FHOD3: variants seen among roughly 807,000 people sequenced by gnomAD.
The protein encoded by FHOD3 is formin homology 2 domain containing 3, also known as FH1/FH2 domain-containing protein 3.
A neutral mutation model predicts 173.0 loss-of-function variants in FHOD3; 90 were observed. That is an observed-to-expected ratio of 0.52 (90% CI 0.44 to 0.62). The LOEUF (loss-of-function observed/expected upper bound fraction) is 0.62. Among genes scored for constraint, FHOD3 ranks in the 20% least tolerant of loss-of-function variants. The probability of loss-of-function intolerance (pLI) is 0.00; values close to 1 mark genes in which losing one functional copy is unlikely to be tolerated. For missense variants in FHOD3, 1,945 were observed against 2,034.7 expected, an observed-to-expected ratio of 0.96 and a Z score of 0.85; for synonymous variants, 828 against 823.0, an observed-to-expected ratio of 1.01 and a Z score of -0.10.
At chr18:36,740,966 T>C (rs2041874189) in intron 21 of FHOD3, 128 bp downstream of exon 21, 1 of 895,268 alleles carries the variant, frequency 1.1e-6, no homozygotes, top group Non-Finnish European at 1.6e-6. Flanking sequence ...GAATTGACAA[T>C]GAGGAGGTCG....
chr18:36,369,593 G>A (rs779364480), intron 2 of FHOD3, among the ~76,000 whole-genome samples: 4 of 150,226 alleles, frequency 2.7e-5, no homozygotes, highest in East Asian at 2.0e-4. Context: ...GAAGACTTAC[G>A]TATATGTGTA....
chr18:36,420,990 C>T (rs566459206), intron 3 of FHOD3, among the ~76,000 whole-genome samples: 1 of 152,264 alleles, frequency 6.6e-6, no homozygotes, highest in African/African-American at 2.4e-5. Context: ...ACCCAGAAGA[C>T]AAATGGTGAG....
At chr18:36,454,282 A>G (rs1218196560) in intron 3 of FHOD3, among the ~76,000 whole-genome samples, 1 of 152,060 alleles carries the variant, frequency 6.6e-6, no homozygotes, top group Non-Finnish European at 1.5e-5. Context: ...ACAAGAGGGT[A>G]CACACAGTAC....
intron 20 of FHOD3, among the ~76,000 whole-genome samples, chr18:36,732,125 C>T (rs535099302): frequency 8.2e-4 from 125 of 152,154 alleles, no homozygotes; most frequent in Middle Eastern, 6.8e-3. Flanking sequence ...CATGTGATGA[C>T]GGAGGTGGAA....
intron 3 of FHOD3, among the ~76,000 whole-genome samples, chr18:36,416,079 C>T (rs113697240): frequency 0.016 from 2,406 of 152,292 alleles, 62 homozygotes; most frequent in African/African-American, 0.056. Context: ...TGTTGCTAGG[C>T]TGGAGTGCAG....
intron 7 of FHOD3, among the ~76,000 whole-genome samples, chr18:36,597,761 C>T (rs2030705470): frequency 6.6e-6 from 1 of 151,016 alleles, no homozygotes; most frequent in East Asian, 1.9e-4. Flanking sequence ...TTTCTTAAAC[C>T]TTTGGCAACT....
At chr18:36,348,899 A>C (rs1432990663) in intron 1 of FHOD3, among the ~76,000 whole-genome samples, 2 of 152,030 alleles carry the variant, frequency 1.3e-5, no homozygotes, top group African/African-American at 4.8e-5. Context: ...CAAACCTCTC[A>C]CCCACCTGCC....
intron 5 of FHOD3, among the ~76,000 whole-genome samples, chr18:36,542,061 T>C (rs1165350524): frequency 2.6e-5 from 4 of 152,202 alleles, no homozygotes; most frequent in African/African-American, 9.7e-5. Flanking sequence ...AAATGGGAAT[T>C]TGGATCCCGG....
At chr18:36,715,425 A>G (rs1231756694) in intron 18 of FHOD3, among the ~76,000 whole-genome samples, 1 of 152,180 alleles carries the variant, frequency 6.6e-6, no homozygotes, top group Non-Finnish European at 1.5e-5. Flanking sequence ...CTGTGAGTCA[A>G]TTAAACCTCT....
intron 16 of FHOD3, among the ~76,000 whole-genome samples, chr18:36,692,197 G>T (rs72897591): frequency 6.6e-6 from 1 of 152,312 alleles, no homozygotes; most frequent in Non-Finnish European, 1.5e-5. Context: ...TAAATGCATT[G>T]TTTTAAAATA....
At position 36,391,545 on chromosome 18, in the gene FHOD3, C is replaced by A. The variant is rs117886847; in HGVS notation, c.337+18801C>A. On this transcript the variant is annotated intron_variant, in intron 3 of 28. Coordinates refer to ENST00000590592, the MANE Select transcript of FHOD3 (RefSeq NM_001281740.3). The stretch of plus-strand genomic sequence containing the variant: ...AGGCCTACAACTGCAGTGAGTGAGG[C>A]ACATACTGGATCTTAGCAATGTCCT... Among the ~76,000 whole-genome samples the A allele has an allele frequency of 3.9e-4, 59 of 152,258 alleles. No homozygotes were observed. The East Asian group carries it at 0.01, about 27-fold the overall frequency.
chr18:36,719,016 C>T (rs2040616317), intron 19 of FHOD3, among the ~76,000 whole-genome samples: 2 of 152,110 alleles, frequency 1.3e-5, no homozygotes, highest in Admixed American at 1.3e-4. Context: ...TCAGCATAGC[C>T]CAATAGCAGA....
chr18:36,318,873 C>G (rs1341129700), intron 1 of FHOD3, among the ~76,000 whole-genome samples: 3 of 151,956 alleles, frequency 2.0e-5, no homozygotes, highest in African/African-American at 7.3e-5. Flanking sequence ...CATAAATATC[C>G]CTTGTTATTT....
chr18:36,768,228 A>G (rs2043225423), intron 27 of FHOD3, among the ~76,000 whole-genome samples: 1 of 152,252 alleles, frequency 6.6e-6, no homozygotes, highest in Admixed American at 6.5e-5. Flanking sequence ...TCACTATCGT[A>G]TAGAAGAGAT....
At chr18:36,410,127 C>CAA (rs201591534) in intron 3 of FHOD3, among the ~76,000 whole-genome samples, 1 of 151,820 alleles carries the variant, frequency 6.6e-6, no homozygotes, top group African/African-American at 2.4e-5. Context: ...TCATCATCCT[C>CAA]AAAAAAAACA....
At chr18:36,539,092 A>G (rs1169270476) in intron 5 of FHOD3, among the ~76,000 whole-genome samples, 1 of 152,272 alleles carries the variant, frequency 6.6e-6, no homozygotes, top group African/African-American at 2.4e-5. Flanking sequence ...CTTAGCTTCT[A>G]TAAGACCACT....
chr18:36,523,600 G>A (rs958949660), intron 5 of FHOD3, among the ~76,000 whole-genome samples: 1 of 152,180 alleles, frequency 6.6e-6, no homozygotes, highest in East Asian at 1.9e-4. Flanking sequence ...CTTTCAGCAT[G>A]TTTCTTGAGT....
chr18:36,474,752 C>T (rs2053464196), intron 3 of FHOD3, among the ~76,000 whole-genome samples: 1 of 152,132 alleles, frequency 6.6e-6, no homozygotes, highest in Non-Finnish European at 1.5e-5. Flanking sequence ...CTGATGCAGC[C>T]TGAGCTCCTG....
chr18:36,336,443 A>G (rs2045312404), intron 1 of FHOD3, among the ~76,000 whole-genome samples: 1 of 152,198 alleles, frequency 6.6e-6, no homozygotes, highest in Non-Finnish European at 1.5e-5. Flanking sequence ...TCTTAATCTC[A>G]TAGATGGTAA....
Sources: gnomAD v4.1 joint callset for allele counts (sites outside exome capture counted in the v4.1 genomes callset) on GRCh38, gnomAD v4.1.1 for gene constraint, MANE v1.5 for transcripts, NCBI Gene and HGNC (gene_info 2026-07-23, HGNC 2026-07-21) for gene names.